The following DLGAP2 variants were observed in gnomAD, a reference collection of about 807,000 sequenced individuals.
DLGAP2 encodes the protein DLG associated protein 2, also known as disks large-associated protein 2.
In DLGAP2, 26 loss-of-function variants were observed where a neutral mutation model predicts 100.3. The ratio of observed to expected loss-of-function variants is 0.26; its 90% CI spans 0.19 to 0.36. The LOEUF is 0.36. Among genes scored for constraint, DLGAP2 ranks in the 10% least tolerant of loss-of-function variants. The probability of loss-of-function intolerance (pLI) is 1.00; values close to 1 mark genes in which losing one functional copy is unlikely to be tolerated. For missense variants in DLGAP2, 1,858 were observed against 1,453.2 expected, an observed-to-expected ratio of 1.28 and a Z score of -4.53; for synonymous variants, 886 against 630.1, an observed-to-expected ratio of 1.41 and a Z score of -6.08.
At chr8:1,123,151 C>T (rs1702638569) in intron 2 of DLGAP2, among the ~76,000 whole-genome samples, 1 of 152,196 alleles carries the variant, frequency 6.6e-6, no homozygotes, top group African/African-American at 2.4e-5. Context: ...GGAATGATCG[C>T]CTTTGACAAT....
intron 3 of DLGAP2, among the ~76,000 whole-genome samples, chr8:1,285,928 A>G (rs1799912459): frequency 6.6e-6 from 1 of 152,242 alleles, no homozygotes; most frequent in African/African-American, 2.4e-5. Flanking sequence ...ACTGCCGTCT[A>G]GTCTGGGCAA....
At chr8:1,520,706 G>A (rs1255946226) in intron 4 of DLGAP2, among the ~76,000 whole-genome samples, 1 of 152,208 alleles carries the variant, frequency 6.6e-6, no homozygotes, top group East Asian at 1.9e-4. Context: ...TGGCTTGGGA[G>A]CTCATTTCAT....
intron 2 of DLGAP2, among the ~76,000 whole-genome samples, chr8:922,612 G>C (rs549486466): frequency 1.8e-4 from 27 of 152,316 alleles, no homozygotes; most frequent in African/African-American, 6.5e-4. Context: ...ATTGTGTTCT[G>C]AGAAGCTTTG....
At chr8:1,534,843 G>C (rs188768993) in intron 4 of DLGAP2, among the ~76,000 whole-genome samples, 1 of 152,176 alleles carries the variant, frequency 6.6e-6, no homozygotes, top group East Asian at 1.9e-4. Flanking sequence ...GTGTGCTTGC[G>C]TGTGTGTGAA....
At chr8:1,262,008 A>G (rs1430149314) in intron 3 of DLGAP2, among the ~76,000 whole-genome samples, 1 of 152,234 alleles carries the variant, frequency 6.6e-6, no homozygotes, top group Non-Finnish European at 1.5e-5. Flanking sequence ...CTTTCTTGTC[A>G]GAAAGCTGTT....
chr8:899,615 T>A (rs1467292814), intron 1 of DLGAP2, among the ~76,000 whole-genome samples: 1 of 152,166 alleles, frequency 6.6e-6, no homozygotes, highest in East Asian at 1.9e-4. Context: ...CAAACAAATA[T>A]GGAAATCATT....
intron 3 of DLGAP2, among the ~76,000 whole-genome samples, chr8:1,268,719 T>C (rs563437805): frequency 1.3e-5 from 2 of 152,346 alleles, no homozygotes; most frequent in Admixed American, 6.5e-5. Flanking sequence ...GAAGCCACAT[T>C]ATCTCAACTT....
chr8:1,501,277 G>A, intron 3 of DLGAP2, 89 bp from the exon 4 acceptor site: 1 of 1,336,984 alleles, frequency 7.5e-7, no homozygotes, highest in Non-Finnish European at 1.0e-6. Flanking sequence ...TTGAACTGTT[G>A]AGTGTGGAGG....
At chr8:1,632,732 G>T in intron 7 of DLGAP2, 95 bp from the exon 8 acceptor site, 1 of 1,266,390 alleles carries the variant, frequency 7.9e-7, no homozygotes. Flanking sequence ...GGCAGTGAAA[G>T]GCAGCCTGGG....
At chr8:1,187,302 C>T (rs769356378) in intron 2 of DLGAP2, among the ~76,000 whole-genome samples, 4 of 151,114 alleles carry the variant, frequency 2.6e-5, no homozygotes, top group East Asian at 2.0e-4. Flanking sequence ...CTCACATGCC[C>T]GGGACCTCTG....
At chr8:1,463,094 C>T (rs370509354) in intron 3 of DLGAP2, among the ~76,000 whole-genome samples, 3 of 152,034 alleles carry the variant, frequency 2.0e-5, no homozygotes, top group African/African-American at 7.2e-5. Flanking sequence ...ACTAAAAATA[C>T]AAAAATTAGC....
chr8:1,226,592 T>A (rs1201497125), intron 2 of DLGAP2, among the ~76,000 whole-genome samples: 1 of 152,176 alleles, frequency 6.6e-6, no homozygotes, highest in Non-Finnish European at 1.5e-5. Context: ...CAAACCTGAA[T>A]GTCGTGTACA....
In DLGAP2 at chr8:793,467, GC is replaced by G. The variant is rs1223225680; in HGVS notation, c.18+55643del. Among the ~76,000 whole-genome samples, 8 of 152,288 alleles carry G rather than the reference GC, an allele frequency of 5.3e-5. No homozygotes were observed. In the East Asian group the frequency reaches 1.2e-3, roughly 22 times the overall value. The stretch of plus-strand genomic sequence containing the variant: ...CTCTCCTTGGGCTGCCATAGTCTGG[GC>G]TGGTTTGCTTGGCTTCCCCGCACCA... On this transcript the variant is annotated intron_variant, in intron 1 of 14. Transcript: ENST00000637795.
intron 1 of DLGAP2, among the ~76,000 whole-genome samples, chr8:878,249 C>G (rs975100047): frequency 3.9e-5 from 6 of 151,972 alleles, no homozygotes; most frequent in African/African-American, 1.5e-4. Flanking sequence ...TTAATAGAAA[C>G]AAATTCTTTT....
intron 2 of DLGAP2, among the ~76,000 whole-genome samples, chr8:1,173,854 C>A (rs551513727): frequency 6.6e-6 from 1 of 152,212 alleles, no homozygotes; most frequent in Non-Finnish European, 1.5e-5. Context: ...AATGCGTCGC[C>A]CTGCTTCGGC....
chr8:1,297,568 C>T (rs1423747385), intron 3 of DLGAP2, among the ~76,000 whole-genome samples: 7 of 100,894 alleles, frequency 6.9e-5, no homozygotes, highest in African/African-American at 1.2e-4. Flanking sequence ...ACAGACACCA[C>T]GTGAGACAGG....
At chr8:1,696,694 A>C (rs1179953935) in intron 13 of DLGAP2, among the ~76,000 whole-genome samples, 1 of 152,140 alleles carries the variant, frequency 6.6e-6, no homozygotes, top group East Asian at 1.9e-4. Context: ...AGGTGTCATC[A>C]CCGTAAGAAC....
At chr8:1,230,362 A>G (rs1798510709) in intron 2 of DLGAP2, among the ~76,000 whole-genome samples, 1 of 152,236 alleles carries the variant, frequency 6.6e-6, no homozygotes, top group African/African-American at 2.4e-5. Flanking sequence ...TAAATCATAG[A>G]TGGCACAAGC....
chr8:1,204,282 A>G (rs1797944411), intron 2 of DLGAP2, among the ~76,000 whole-genome samples: 1 of 152,240 alleles, frequency 6.6e-6, no homozygotes, highest in African/African-American at 2.4e-5. Context: ...GGATGAGACA[A>G]TCTCATCATC....
Sources: allele counts gnomAD v4.1 joint callset (sites outside exome capture counted in the v4.1 genomes callset), GRCh38; gene constraint gnomAD v4.1.1; transcripts MANE v1.5; gene names NCBI Gene and HGNC (gene_info 2026-07-23, HGNC 2026-07-21).